CDCA7L: variants seen among roughly 807,000 people sequenced by gnomAD.
CDCA7L encodes the protein cell division cycle-associated 7-like protein.
CDCA7L carries 44 observed loss-of-function variants against 57.4 expected under a neutral mutation model. The observed-to-expected ratio is 0.77, with a 90% CI of 0.60 to 0.98. The LOEUF (loss-of-function observed/expected upper bound fraction) is 0.98, where lower values mean the gene tolerates loss of function less well. CDCA7L is among the 50% of genes least tolerant of loss of function. CDCA7L has a pLI of 0.00. For synonymous variants in CDCA7L, 236 were observed against 202.8 expected (o/e 1.16, Z -1.39); for missense variants, 644 against 580.6 (o/e 1.11, Z -1.12).
rs982427705 is a variant in CDCA7L at position 21,911,756 on chromosome 7, T to C, written c.166-2A>G. ...TTTGGAATGAAAGCGCACATCCTGC[T>C]AAATTAAAGACACACATACATCAGA... On this transcript the variant is annotated splice_acceptor_variant, in intron 2 of 9. Transcript: ENST00000406877. LOFTEE classifies it high-confidence loss of function. 6.2e-7 allele frequency: 1 copy of C among 1,611,006 alleles called. No individual in the cohort carries two copies. The highest frequency in any genetic ancestry group is 1.3e-5 in the African/African-American group (1 of 74,838).
chr7:21,924,459 G>T (rs928737000), intron 1 of CDCA7L, among the ~76,000 whole-genome samples: 2 of 152,186 alleles, frequency 1.3e-5, no homozygotes, highest in Admixed American at 1.3e-4. Context: ...GATCTACACA[G>T]AGGAGAGCAT....
intron 1 of CDCA7L, chr7:21,940,360 A>G (rs751478273): frequency 6.8e-5 from 63 of 923,306 alleles, no homozygotes; most frequent in Non-Finnish European, 7.5e-5. Context: ...AAAAGAGTAT[A>G]TTACTAACAA....
intron 1 of CDCA7L, chr7:21,940,212 A>G: frequency 2.2e-6 from 1 of 460,884 alleles, no homozygotes; most frequent in Non-Finnish European, 2.9e-6. Flanking sequence ...AGCAAGTCAA[A>G]TAGCCTTGAC....
intron 3 of CDCA7L, among the ~76,000 whole-genome samples, chr7:21,908,835 G>A (rs562293083): frequency 6.6e-6 from 1 of 152,290 alleles, no homozygotes; most frequent in Non-Finnish European, 1.5e-5. Context: ...CCAGCAAGAG[G>A]AGAGACAGTC....
In CDCA7L at chr7:21,902,117, T is replaced by TACATCTATATA; in HGVS notation, c.*194_*204dup. On this transcript the variant is annotated 3_prime_UTR_variant, in exon 10 of 10. Coordinates refer to ENST00000406877, the MANE Select transcript of CDCA7L (RefSeq NM_018719.5). ...TTCAGCATACAGACAGGTCTGTGCA[T>TACATCTATATA]ACATCTATATAGATTCCTCTGCTCT... The TACATCTATATA allele has an allele frequency of 4.9e-6, 3 of 606,554 alleles. No individual in the cohort carries two copies. The highest frequency in any genetic ancestry group is 3.0e-6 in the Non-Finnish European group (1 of 338,876). The allele number at this position is 606,554 out of a possible 1,614,324, so 37.6% of individuals were successfully genotyped here.
chr7:21,939,261 T>G (rs932821368), intron 1 of CDCA7L, among the ~76,000 whole-genome samples: 1 of 152,156 alleles, frequency 6.6e-6, no homozygotes, highest in African/African-American at 2.4e-5. Context: ...AAAAAGCTCA[T>G]GAGAGATCAG....
At chr7:21,910,605 T>C (rs927071427) in intron 3 of CDCA7L, among the ~76,000 whole-genome samples, 4 of 152,226 alleles carry the variant, frequency 2.6e-5, no homozygotes, top group African/African-American at 9.6e-5. Flanking sequence ...GTTTATTTTT[T>C]GCATAAATGT....
chr7:21,929,846 G>A (rs1355695934), intron 1 of CDCA7L, among the ~76,000 whole-genome samples: 1 of 152,022 alleles, frequency 6.6e-6, no homozygotes, highest in African/African-American at 2.4e-5. Context: ...CCTACAAAGA[G>A]ACTTAGACTC....
chr7:21,907,988 G>C (rs556089584), intron 4 of CDCA7L, 142 bp downstream of exon 4: 2 of 841,252 alleles, frequency 2.4e-6, no homozygotes, highest in Non-Finnish European at 1.7e-6. Context: ...AAAAGTAAAA[G>C]GATACACAAT....
At chr7:21,927,848 T>C (rs1785874402) in intron 1 of CDCA7L, among the ~76,000 whole-genome samples, 1 of 152,232 alleles carries the variant, frequency 6.6e-6, no homozygotes, top group Non-Finnish European at 1.5e-5. Flanking sequence ...CCCATCTCCC[T>C]GGGACAGAGC....
At position 21,901,438 on chromosome 7, in the gene CDCA7L, G is replaced by C; in HGVS notation, c.*884C>G. On this transcript the variant is annotated 3_prime_UTR_variant, in exon 10 of 10. Coordinates refer to ENST00000406877, the MANE Select transcript of CDCA7L (RefSeq NM_018719.5). ...TAGAAACTAACTCAGGGCTGAGCGT[G>C]GTGGCACACGACTGTAATCCCAGTT... 3 of 791,358 alleles carry C rather than the reference G, an allele frequency of 3.8e-6. No homozygotes were observed. The highest frequency in any genetic ancestry group is 5.3e-6 in the Non-Finnish European group (3 of 570,312). 49.0% of individuals were successfully genotyped at this position (791,358 alleles called of 1,614,324 possible).
intron 1 of CDCA7L, among the ~76,000 whole-genome samples, chr7:21,928,592 G>A (rs933251190): frequency 6.6e-6 from 1 of 151,810 alleles, no homozygotes; most frequent in Non-Finnish European, 1.5e-5. Context: ...GAATAACCAG[G>A]TTAGAAAAGA....
Position 21,902,254 on chromosome 7 carries a change from G to T in CDCA7L, c.*68C>A. The stretch of plus-strand genomic sequence containing the variant: ...ACAACTGTAAAAAAATCTTTCTTAG[G>T]CACCAATGGTATGCATGTCTTGTTG... On this transcript the variant is annotated 3_prime_UTR_variant, in exon 10 of 10. Coordinates refer to ENST00000406877, the MANE Select transcript of CDCA7L (RefSeq NM_018719.5). 1 of 1,377,264 alleles carries T rather than the reference G, an allele frequency of 7.3e-7. No individual in the cohort carries two copies. The allele number at this position is 1,377,264 out of a possible 1,614,324, so 85.3% of individuals were successfully genotyped here. A position where few individuals can be genotyped will look rare whatever the true frequency, so the allele number is the denominator to read the frequency against.
At chr7:21,930,034 C>G (rs1377734309) in intron 1 of CDCA7L, among the ~76,000 whole-genome samples, 2 of 152,206 alleles carry the variant, frequency 1.3e-5, no homozygotes, top group Non-Finnish European at 2.9e-5. Context: ...AGCACCACAT[C>G]AGACTTATTC....
intron 7 of CDCA7L, 100 bp downstream of exon 7, chr7:21,905,406 G>T: frequency 7.5e-7 from 1 of 1,332,166 alleles, no homozygotes; most frequent in South Asian, 1.3e-5. Flanking sequence ...CTGAGCCCTT[G>T]GTGAGATGGC....
intron 1 of CDCA7L, among the ~76,000 whole-genome samples, chr7:21,940,541 G>T (rs573270194): frequency 5.9e-5 from 9 of 152,304 alleles, no homozygotes; most frequent in Non-Finnish European, 1.2e-4. Context: ...ATTCCAGTGT[G>T]GTATGATAAA....
intron 1 of CDCA7L, among the ~76,000 whole-genome samples, chr7:21,926,527 AG>A (rs1036081021): frequency 6.6e-6 from 1 of 152,212 alleles, no homozygotes; most frequent in Non-Finnish European, 1.5e-5. Context: ...ATGACAAACA[AG>A]TACATAAAAA....
chr7:21,928,886 G>C (rs10085817), intron 1 of CDCA7L, among the ~76,000 whole-genome samples: 1,820 of 152,224 alleles, frequency 0.012, 36 homozygotes, highest in African/African-American at 0.042. Flanking sequence ...CACTCTGCAC[G>C]ATATTATCCA....
At chr7:21,914,126 C>T (rs1339491096) in intron 2 of CDCA7L, among the ~76,000 whole-genome samples, 1 of 152,200 alleles carries the variant, frequency 6.6e-6, no homozygotes, top group Non-Finnish European at 1.5e-5. Context: ...ATTTTGAAGT[C>T]CATGTGACAT....
Sources: allele counts gnomAD v4.1 joint callset (sites outside exome capture counted in the v4.1 genomes callset), GRCh38; gene constraint gnomAD v4.1.1; transcripts MANE v1.5; gene names NCBI Gene and HGNC (gene_info 2026-07-23, HGNC 2026-07-21).